Variants in RNLS observed in about 807,000 individuals in gnomAD.
RNLS encodes renalase.
RNLS carries 39 observed loss-of-function variants against 39.8 expected under a neutral mutation model. The observed-to-expected ratio is 0.98, with a 90% confidence interval of 0.76 to 1.28. The LOEUF is 1.28. Ranked by LOEUF, RNLS falls within the 50% of genes most tolerant of loss-of-function variation. The probability of loss-of-function intolerance (pLI) is 0.00; values close to 1 mark genes in which losing one functional copy is unlikely to be tolerated. For missense variants in RNLS, 410 were observed against 413.3 expected, an observed-to-expected ratio of 0.99 and a Z score of 0.07; for synonymous variants, 147 against 150.7, an observed-to-expected ratio of 0.98 and a Z score of 0.18.
intron 4 of RNLS, among the ~76,000 whole-genome samples, chr10:88,462,861 A>ATC (rs1843005485): frequency 6.6e-6 from 1 of 152,066 alleles, no homozygotes; most frequent in African/African-American, 2.4e-5. Flanking sequence ...GCCTATAAAA[A>ATC]TCAAATCAGT....
the RNLS span, among the ~76,000 whole-genome samples, chr10:88,208,065 C>A: frequency 1.1e-4 from 16 of 152,106 alleles, no homozygotes; most frequent in Non-Finnish European, 2.1e-4. Context: ...GCACATCAAG[C>A]GACTGAAATG....
chr10:88,473,830 T>C (rs1843670436), intron 4 of RNLS, among the ~76,000 whole-genome samples: 2 of 152,096 alleles, frequency 1.3e-5, no homozygotes, highest in Non-Finnish European at 2.9e-5. Context: ...AAGCCATATA[T>C]ATATATTTTT....
intron 6 of RNLS, among the ~76,000 whole-genome samples, chr10:88,296,330 A>G (rs1844096998): frequency 6.6e-6 from 1 of 152,042 alleles, no homozygotes; most frequent in Admixed American, 6.6e-5. Flanking sequence ...CCTCACTACT[A>G]CCTCTTCCTG....
intron 5 of RNLS, among the ~76,000 whole-genome samples, chr10:88,352,500 G>T (rs1475527327): frequency 6.6e-6 from 1 of 152,168 alleles, no homozygotes; most frequent in Non-Finnish European, 1.5e-5. Context: ...GCTGGATTAC[G>T]TTTATTGATT....
chr10:88,423,577 T>C lies in RNLS; in HGVS notation c.527-60852A>G, dbSNP rs773635539. Among the ~76,000 whole-genome samples, 17 of 152,244 alleles carry C rather than the reference T, an allele frequency of 1.1e-4. 1 individual carries two copies. The highest frequency in any genetic ancestry group is 2.5e-4 in the Non-Finnish European group (17 of 68,034). ...TCCTGAAATTAGCACAATTTATACT[T>C]GCAATAGATTTGTCAGATGCAATCT... On this transcript the variant is annotated intron_variant, in intron 4 of 6. Transcript: ENST00000331772.
intron 4 of RNLS, among the ~76,000 whole-genome samples, chr10:88,507,868 A>G (rs1489422086): frequency 1.3e-5 from 2 of 152,196 alleles, no homozygotes; most frequent in African/African-American, 4.8e-5. Flanking sequence ...ATTTTGAGCT[A>G]TGATTACATG....
intron 3 of RNLS, among the ~76,000 whole-genome samples, chr10:88,575,718 A>T (rs1200336941): frequency 1.3e-5 from 2 of 151,928 alleles, no homozygotes; most frequent in African/African-American, 4.8e-5. Context: ...TGGATAAATA[A>T]ATAGTCTCAA....
chr10:88,397,326 G>T (rs761374516), intron 4 of RNLS, among the ~76,000 whole-genome samples: 15 of 151,836 alleles, frequency 9.9e-5, no homozygotes, highest in Non-Finnish European at 1.6e-4. Context: ...AACATAGACA[G>T]AAATTTGGAA....
At chr10:88,524,956 C>CACACACACACACATATAT (rs768939981) in intron 4 of RNLS, among the ~76,000 whole-genome samples, 2 of 76,294 alleles carry the variant, frequency 2.6e-5, no homozygotes, top group African/African-American at 9.1e-5. Flanking sequence ...ATGGCACACA[C>CACACACACACACATATAT]ATACATATAT....
At chr10:88,258,538 A>G in the RNLS span, among the ~76,000 whole-genome samples, 1 of 152,212 alleles carries the variant, frequency 6.6e-6, no homozygotes, top group Admixed American at 6.5e-5. Flanking sequence ...ATGTGAGACA[A>G]TGCATATAAA....
chr10:88,290,569 A>T (rs1209934253), intron 6 of RNLS, among the ~76,000 whole-genome samples: 2 of 152,240 alleles, frequency 1.3e-5, no homozygotes, highest in African/African-American at 4.8e-5. Flanking sequence ...TGGTGTCAAC[A>T]TGACACAAAA....
intron 4 of RNLS, among the ~76,000 whole-genome samples, chr10:88,479,209 TA>T (rs1451977352): frequency 6.6e-6 from 1 of 152,230 alleles, no homozygotes; most frequent in Non-Finnish European, 1.5e-5. Context: ...TTGTTGCCTT[TA>T]ATTATATCAG....
intron 4 of RNLS, among the ~76,000 whole-genome samples, chr10:88,420,632 C>T (rs1402465978): frequency 6.6e-6 from 1 of 152,176 alleles, no homozygotes; most frequent in East Asian, 1.9e-4. Flanking sequence ...ATATAGAGCC[C>T]ACCTGGATAA....
chr10:88,354,848 C>T (rs543303958), intron 5 of RNLS, among the ~76,000 whole-genome samples: 1 of 152,342 alleles, frequency 6.6e-6, no homozygotes, highest in African/African-American at 2.4e-5. Flanking sequence ...CTTTCGGGTA[C>T]ACCAATCAGA....
rs566828065 is a variant in RNLS, at chr10:88,293,119, T to C, written c.877-7613A>G. Among the ~76,000 whole-genome samples, 3 of 152,240 alleles carry C rather than the reference T, an allele frequency of 2.0e-5. No individual in the cohort carries two copies. The South Asian group carries it at 6.2e-4, about 32-fold the overall frequency. ...GTCTGACAGTGACTTTTTACTTAAA[T>C]TGTTCCTGAATTCAGAGAAATGCTA... On this transcript the variant is annotated intron_variant, in intron 6 of 6. Coordinates refer to ENST00000331772, the MANE Select transcript of RNLS (RefSeq NM_001031709.3).
intron 6 of RNLS, among the ~76,000 whole-genome samples, chr10:88,293,340 T>C (rs1403204412): frequency 1.2e-4 from 18 of 152,184 alleles, no homozygotes; most frequent in Non-Finnish European, 2.5e-4. Context: ...TCTGCTGCCA[T>C]TGTAAACATA....
At chr10:88,379,124 G>C (rs1282722135) in intron 4 of RNLS, among the ~76,000 whole-genome samples, 2 of 152,182 alleles carry the variant, frequency 1.3e-5, no homozygotes, top group Non-Finnish European at 2.9e-5. Context: ...CGAGGTCATA[G>C]GAATTTTTCA....
At chr10:88,425,796 T>C (rs1026853649) in intron 4 of RNLS, among the ~76,000 whole-genome samples, 6 of 151,886 alleles carry the variant, frequency 4.0e-5, no homozygotes, top group Non-Finnish European at 7.4e-5. Context: ...AAAAAAACGT[T>C]GATGTGAGGT....
At chr10:88,458,533 A>C (rs1265092619) in intron 4 of RNLS, among the ~76,000 whole-genome samples, 3 of 152,186 alleles carry the variant, frequency 2.0e-5, no homozygotes, top group Non-Finnish European at 2.9e-5. Context: ...CTGAATTCTT[A>C]CTGGCATTTG....
Sources: gnomAD v4.1 joint callset for allele counts (sites outside exome capture counted in the v4.1 genomes callset) on GRCh38, gnomAD v4.1.1 for gene constraint, MANE v1.5 for transcripts, NCBI Gene and HGNC (gene_info 2026-07-23, HGNC 2026-07-21) for gene names.